Variants in VLDLR observed in about 807,000 individuals in gnomAD.
VLDLR encodes the protein very low density lipoprotein receptor.
A neutral mutation model predicts 112.7 loss-of-function variants in VLDLR; 81 were observed. That is an observed-to-expected ratio of 0.72 (90% CI 0.60 to 0.86). The LOEUF is 0.86. Among genes scored for constraint, VLDLR ranks in the 40% least tolerant of loss-of-function variants. The pLI is 0.00. For missense variants in VLDLR, 1,237 were observed against 1,099.4 expected (o/e 1.13, Z -1.77); for synonymous variants, 436 against 384.8 (o/e 1.13, Z -1.56).
chr9:2,643,786 G>T, intron 6 of VLDLR, 36 bp downstream of exon 6: 1 of 1,614,184 alleles, frequency 6.2e-7, no homozygotes. Flanking sequence ...GCAATGGATT[G>T]CTCTGACCAG....
Position 2,659,692 on chromosome 9 carries a change from G to T in VLDLR, c.*5824G>T, listed in dbSNP as rs1420718531. Reference sequence around the variant, plus strand: ...AAAAAGACAGGAAGAACTGTGGCTTGTAACTCAATGATGCTATAACTCCAG... The same window carrying T: ...AAAAAGACAGGAAGAACTGTGGCTTTTAACTCAATGATGCTATAACTCCAG... On this transcript the variant is annotated 3_prime_UTR_variant, in exon 19 of 19. Coordinates refer to ENST00000382100, the MANE Select transcript of VLDLR (RefSeq NM_003383.5). The T allele has an allele frequency of 6.6e-6, 1 of 152,196 alleles. No individual in the cohort carries two copies. Among genetic ancestry groups the T allele is most frequent in the South Asian group, 2.1e-4 (1 of 4,830 alleles). 9.4% of individuals were successfully genotyped at this position (152,196 alleles called of 1,614,324 possible).
intron 14 of VLDLR, among the ~76,000 whole-genome samples, chr9:2,650,169 C>T (rs1304345159): frequency 6.6e-6 from 1 of 152,132 alleles, no homozygotes; most frequent in African/African-American, 2.4e-5. Context: ...CGAAGAGGTC[C>T]CTTATCTGGT....
rs144173497 is a variant in VLDLR, at chr9:2,656,573, T to C, written c.*2705T>C. Reference sequence around the variant, plus strand: ...AATAACTTGAATTCTATGTGAAATGTGTTAGGATAAGTTTGCTCTGTCTCT... The same window carrying C: ...AATAACTTGAATTCTATGTGAAATGCGTTAGGATAAGTTTGCTCTGTCTCT... On this transcript the variant is annotated 3_prime_UTR_variant, in exon 19 of 19. Transcript: ENST00000382100. 1.1e-4 allele frequency: 16 copies of C among 152,312 alleles called. No individual in the cohort carries two copies. The highest frequency in any genetic ancestry group is 3.6e-4 in the African/African-American group (15 of 41,566). The allele number at this position is 152,312 out of a possible 1,614,324, so 9.4% of individuals were successfully genotyped here. A position where few individuals can be genotyped will look rare whatever the true frequency, so the allele number is the denominator to read the frequency against.
rs759875359 is a variant in VLDLR, at chr9:2,648,850, G to A, written c.2104+40G>A. ...CACAGTCCTTAATAACTACTTTAAGGGAAGCAGCATGACACAGAACCTGCT... is the reference window on the plus strand; with the variant it reads ...CACAGTCCTTAATAACTACTTTAAGAGAAGCAGCATGACACAGAACCTGCT... On this transcript the variant is annotated intron_variant, in intron 14 of 18. Transcript: ENST00000382100. 1.9e-6 allele frequency: 3 copies of A among 1,613,412 alleles called. No individual in the cohort carries two copies. In the East Asian group the frequency reaches 6.7e-5, roughly 36 times the overall value.
rs150872700 is a variant in VLDLR at position 2,651,935 on chromosome 9, A to C, written c.2397A>C (p.Ala799=). 1 of 1,614,104 alleles carries C rather than the reference A, an allele frequency of 6.2e-7. No homozygotes were observed. The highest frequency in any genetic ancestry group is 1.1e-5 in the South Asian group (1 of 91,080). Residue 799 remains alanine, a synonymous_variant, in exon 17 of 19, where the codon GCA becomes GCC. Coordinates refer to ENST00000382100, the MANE Select transcript of VLDLR (RefSeq NM_003383.5). ...VSVPPKGTSA[A]WAILPLLLLV... ...TTCCCCCAAAAGGGACTTCTGCCGC[A>C]TGGGCCATTCTTCCTCTCTGTAAGT... is the stretch of plus-strand genomic sequence containing the variant.
At chr9:2,651,231 G>C (rs1297422675) in intron 15 of VLDLR, among the ~76,000 whole-genome samples, 184 bp from the exon 16 acceptor site, 2 of 152,156 alleles carry the variant, frequency 1.3e-5, no homozygotes, top group African/African-American at 4.8e-5. Flanking sequence ...AAAGTTTCAT[G>C]TATCTCTTTT....
chr9:2,622,345 T>G, intron 1 of VLDLR, 74 bp downstream of exon 1: 1 of 1,315,950 alleles, frequency 7.6e-7, no homozygotes, highest in Non-Finnish European at 9.8e-7. Context: ...GGCGTAGGTC[T>G]CCGTTTGCCC....
At position 2,621,805 on chromosome 9, in the gene VLDLR, C is replaced by A. The variant is rs1011817773; in HGVS notation, c.-385C>A. ...GCTGCTCACCCCGCTCTCCGGCCGC[C>A]GCCGGTGCGGGTGCTCCGCTACCGG... On this transcript the variant is annotated 5_prime_UTR_variant, in exon 1 of 19. Coordinates refer to ENST00000382100, the MANE Select transcript of VLDLR (RefSeq NM_003383.5). The A allele has an allele frequency of 2.0e-6, 1 of 490,816 alleles. No individual in the cohort carries two copies. Among genetic ancestry groups the A allele is most frequent in the African/African-American group, 2.0e-5 (1 of 49,274 alleles). 30.4% of individuals were successfully genotyped at this position (490,816 alleles called of 1,614,324 possible).
chr9:2,626,396 C>CA (rs1173548086), intron 1 of VLDLR, among the ~76,000 whole-genome samples: 2 of 152,182 alleles, frequency 1.3e-5, no homozygotes, highest in East Asian at 1.9e-4. Context: ...TGTCAGCACT[C>CA]AAAGTTTTGG....
intron 1 of VLDLR, among the ~76,000 whole-genome samples, chr9:2,623,129 A>T (rs1253432237): frequency 6.6e-6 from 1 of 152,154 alleles, no homozygotes; most frequent in Non-Finnish European, 1.5e-5. Context: ...ATTCTACACA[A>T]TAGCTCAAAG....
chr9:2,639,798 T>A, intron 2 of VLDLR, 61 bp from the exon 3 acceptor site: 1 of 1,612,594 alleles, frequency 6.2e-7, no homozygotes. Flanking sequence ...TGAGCCCTCA[T>A]GTGAAGCTAG....
At chr9:2,628,411 G>A (rs1817191107) in intron 1 of VLDLR, among the ~76,000 whole-genome samples, 1 of 152,202 alleles carries the variant, frequency 6.6e-6, no homozygotes, top group Non-Finnish European at 1.5e-5. Flanking sequence ...ATGGGGAAGT[G>A]AGTGGGTCCC....
chr9:2,652,097 A>C (rs1586660887), intron 17 of VLDLR, 143 bp downstream of exon 17: 1 of 748,666 alleles, frequency 1.3e-6, no homozygotes, highest in Non-Finnish European at 2.3e-6. Flanking sequence ...TTTCTCCCCC[A>C]CATAATACAC....
At chr9:2,633,332 C>T (rs933152933) in intron 1 of VLDLR, among the ~76,000 whole-genome samples, 1 of 151,960 alleles carries the variant, frequency 6.6e-6, no homozygotes, top group African/African-American at 2.4e-5. Context: ...AATTCAGAGA[C>T]CCTCTTTAAG....
chr9:2,648,476 C>T (rs750199491), intron 13 of VLDLR, 129 bp downstream of exon 13: 1 of 1,532,000 alleles, frequency 6.5e-7, no homozygotes, highest in East Asian at 2.3e-5. Context: ...CACTTAAAAC[C>T]TGGTACAAAT....
chr9:2,623,873 T>G (rs1816956473), intron 1 of VLDLR, among the ~76,000 whole-genome samples: 1 of 152,002 alleles, frequency 6.6e-6, no homozygotes, highest in African/African-American at 2.4e-5. Flanking sequence ...CTTACAAGAG[T>G]TTCCAAACGC....
intron 12 of VLDLR, 53 bp downstream of exon 12, chr9:2,647,645 C>T (rs1818135828): frequency 4.2e-6 from 6 of 1,442,030 alleles, no homozygotes; most frequent in Admixed American, 1.7e-5. Context: ...CATAGTGTTT[C>T]CATTTATCTC....
At chr9:2,633,435 C>T (rs918553306) in intron 1 of VLDLR, among the ~76,000 whole-genome samples, 1 of 152,092 alleles carries the variant, frequency 6.6e-6, no homozygotes, top group African/African-American at 2.4e-5. Flanking sequence ...TAGCTTCAAA[C>T]TCATTCTTAA....
rs2130817144 is a variant in VLDLR at position 2,655,613 on chromosome 9, A to AGAT, written c.*1748_*1750dup. 6.6e-6 allele frequency: 1 copy of AGAT among 152,294 alleles called. No individual in the cohort carries two copies. Among genetic ancestry groups the AGAT allele is most frequent in the Admixed American group, 6.5e-5 (1 of 15,304 alleles). The allele number at this position is 152,294 out of a possible 1,614,324, so 9.4% of individuals were successfully genotyped here. A position where few individuals can be genotyped will look rare whatever the true frequency, so the allele number is the denominator to read the frequency against. On this transcript the variant is annotated 3_prime_UTR_variant, in exon 19 of 19. Transcript: ENST00000382100. ...CTTAAGCAAGGACATTAATCCTACT[A>AGAT]GATGAAGGGGAAGTTGGTTCTGTTG...
Sources: gnomAD v4.1 joint callset for allele counts (sites outside exome capture counted in the v4.1 genomes callset) on GRCh38, gnomAD v4.1.1 for gene constraint, MANE v1.5 for transcripts, NCBI Gene and HGNC (gene_info 2026-07-23, HGNC 2026-07-21) for gene names.